Variants in EIF4E3 observed in about 807,000 individuals in gnomAD.
EIF4E3 encodes the protein eukaryotic translation initiation factor 4E family member 3.
EIF4E3 carries 26 observed loss-of-function variants against 31.7 expected under a neutral mutation model. The ratio of observed to expected loss-of-function variants is 0.82; its 90% CI spans 0.60 to 1.14. The LOEUF is 1.14. Ranked by LOEUF, EIF4E3 falls within the 50% of genes most tolerant of loss-of-function variation. The probability of loss-of-function intolerance (pLI) is 0.00; values close to 1 mark genes in which losing one functional copy is unlikely to be tolerated. For synonymous variants in EIF4E3, 128 were observed against 107.7 expected (o/e 1.19, Z -1.17); for missense variants, 304 against 270.9 (o/e 1.12, Z -0.86).
At chr3:71,718,071 A>G (rs2049491568) in intron 1 of EIF4E3, among the ~76,000 whole-genome samples, 1 of 152,182 alleles carries the variant, frequency 6.6e-6, no homozygotes. Context: ...AGCCAAGAGA[A>G]CCCACCTTAA....
In EIF4E3 at chr3:71,724,480, A is replaced by C. The variant is rs377234914; in HGVS notation, c.176+712T>G. Among the ~76,000 whole-genome samples, 5 of 152,304 alleles carry C rather than the reference A, an allele frequency of 3.3e-5. No homozygotes were observed. The South Asian group carries it at 8.3e-4, about 25-fold the overall frequency. ...CGAGGGAGCAAGGTTTCTATTTTAG[A>C]TACGGTAGTCAGGGGGTCTTTCTGA... is the stretch of plus-strand genomic sequence containing the variant. On this transcript the variant is annotated intron_variant, in intron 1 of 6. Coordinates refer to ENST00000425534, the MANE Select transcript of EIF4E3 (RefSeq NM_001134651.2).
At chr3:71,754,227 C>T, upstream of EIF4E3, 1 of 1,338,130 alleles carries the variant, frequency 7.5e-7, no homozygotes, top group South Asian at 1.6e-5. This position sits in a 1 kb window ranked among gnomAD's most constrained non-coding sequence, Gnocchi z 5.8. Flanking sequence ...GCTGCTCGAC[C>T]TGTGCCTGGC....
At chr3:71,665,391 G>C in the EIF4E3 span, among the ~76,000 whole-genome samples, 1 of 152,190 alleles carries the variant, frequency 6.6e-6, no homozygotes, top group East Asian at 1.9e-4. Context: ...TTGCACATGG[G>C]TAGTGGCTTT....
At chr3:71,666,828 A>G in the EIF4E3 span, among the ~76,000 whole-genome samples, 1 of 152,130 alleles carries the variant, frequency 6.6e-6, no homozygotes, top group East Asian at 1.9e-4. Context: ...AGTCCAGGCT[A>G]CCCAGAAGGC....
chr3:71,735,365 T>C lies in EIF4E3; in HGVS notation c.-290-6742A>G, dbSNP rs555674656. Among the ~76,000 whole-genome samples the C allele has an allele frequency of 3.3e-5, 5 of 152,316 alleles. No individual in the cohort carries two copies. The South Asian group carries it at 1.0e-3, about 32-fold the overall frequency. On this transcript the variant is annotated intron_variant, in intron 1 of 7. Coordinates refer to the EIF4E3 transcript ENST00000295612. ...AAATGAATCCTATGATATAAATCTA[T>C]TGATGCATAGTGAAGGGTGGGAGAA...
At chr3:71,724,065 T>C (rs992099077) in intron 1 of EIF4E3, among the ~76,000 whole-genome samples, 1 of 152,232 alleles carries the variant, frequency 6.6e-6, no homozygotes. Context: ...CAGATTTGTG[T>C]GTACCAAGCA....
chr3:71,728,211 AAG>A (rs1380593550), upstream of EIF4E3, among the ~76,000 whole-genome samples: 1 of 152,232 alleles, frequency 6.6e-6, no homozygotes, highest in Non-Finnish European at 1.5e-5. Context: ...AGATTAATAA[AAG>A]AGATTATACA....
downstream of EIF4E3, among the ~76,000 whole-genome samples, chr3:71,670,433 C>T (rs891060919): frequency 3.3e-5 from 5 of 152,184 alleles, no homozygotes; most frequent in Non-Finnish European, 7.3e-5. Context: ...CCCCGTGGCC[C>T]CAGCCACGGC....
chr3:71,724,521 G>C lies in EIF4E3; in HGVS notation c.176+671C>G, dbSNP rs577690631. ...GTCTTTCTGAAAAGATGGCACCTGGGTTGTCCCTTGAGAAAGCCATAATTC... is the reference window on the plus strand; with the variant it reads ...GTCTTTCTGAAAAGATGGCACCTGGCTTGTCCCTTGAGAAAGCCATAATTC... On this transcript the variant is annotated intron_variant, in intron 1 of 6. Transcript: ENST00000425534. Among the ~76,000 whole-genome samples, 39 of 152,318 alleles carry C rather than the reference G, an allele frequency of 2.6e-4. No individual in the cohort carries two copies. In the South Asian group the frequency reaches 7.9e-3, roughly 31 times the overall value.
intron 2 of EIF4E3, among the ~76,000 whole-genome samples, chr3:71,706,762 G>A (rs1046215180): frequency 6.6e-6 from 1 of 152,156 alleles, no homozygotes; most frequent in East Asian, 1.9e-4. Flanking sequence ...GTTTGAGGCT[G>A]CAGTGAGCTA....
At chr3:71,753,928 C>T (rs1213868484), upstream of EIF4E3, 11 of 998,902 alleles carry the variant, frequency 1.1e-5, no homozygotes, top group South Asian at 5.0e-4. Flanking sequence ...GCGGGCTGAG[C>T]CCCGCAGGAC....
At chr3:71,733,150 T>C (rs906237671) in intron 1 of EIF4E3, among the ~76,000 whole-genome samples, 12 of 152,204 alleles carry the variant, frequency 7.9e-5, no homozygotes, top group African/African-American at 2.9e-4. Context: ...ATTTGAGCAC[T>C]GAAAGTTCTG....
At chr3:71,701,791 G>A (rs1323880684) in intron 2 of EIF4E3, among the ~76,000 whole-genome samples, 1 of 152,126 alleles carries the variant, frequency 6.6e-6, no homozygotes, top group East Asian at 1.9e-4. Context: ...AGATCAAATT[G>A]AAGGCAAAAA....
chr3:71,698,267 C>T (rs2049167739), intron 3 of EIF4E3, among the ~76,000 whole-genome samples: 1 of 152,148 alleles, frequency 6.6e-6, no homozygotes, highest in Admixed American at 6.5e-5. Flanking sequence ...ACTTGAGATC[C>T]TCATCCTCAA....
chr3:71,749,224 G>C (rs1179066899), intron 1 of EIF4E3, among the ~76,000 whole-genome samples: 1 of 152,224 alleles, frequency 6.6e-6, no homozygotes, highest in Non-Finnish European at 1.5e-5. Flanking sequence ...ATGAGCCAAA[G>C]TCTGGGCTCT....
Position 71,681,993 on chromosome 3 carries a change from G to T in EIF4E3, c.*2689C>A, listed in dbSNP as rs1019001765. On this transcript the variant is annotated 3_prime_UTR_variant, in exon 7 of 7. Coordinates refer to ENST00000425534, the MANE Select transcript of EIF4E3 (RefSeq NM_001134651.2). ...TAAATTACACCCTCATTTAAGAAAT[G>T]TGGAAAAGTTGGGGGGAAAGAGGAA... is the stretch of plus-strand genomic sequence containing the variant. 3.9e-5 allele frequency: 6 copies of T among 152,156 alleles called. No individual in the cohort carries two copies. Among genetic ancestry groups the T allele is most frequent in the African/African-American group, 1.4e-4 (6 of 41,422 alleles). The allele number at this position is 152,156 out of a possible 1,614,324, so 9.4% of individuals were successfully genotyped here.
chr3:71,732,448 C>T (rs1392575499), intron 1 of EIF4E3, among the ~76,000 whole-genome samples: 1 of 151,928 alleles, frequency 6.6e-6, no homozygotes, highest in African/African-American at 2.4e-5. Flanking sequence ...GGTTTTGTGG[C>T]CAGTCTAAGA....
chr3:71,687,375 C>G (rs1025240345), intron 6 of EIF4E3, among the ~76,000 whole-genome samples: 7 of 152,176 alleles, frequency 4.6e-5, no homozygotes, highest in Non-Finnish European at 1.0e-4. Context: ...ATGGGTATTG[C>G]TCTATGCTGA....
intron 1 of EIF4E3, among the ~76,000 whole-genome samples, chr3:71,716,949 A>G (rs1363950972): frequency 1.3e-5 from 2 of 152,158 alleles, no homozygotes; most frequent in Non-Finnish European, 2.9e-5. Context: ...TAAAGATATA[A>G]TTGCTGCAGC....
Sources: allele counts gnomAD v4.1 joint callset (sites outside exome capture counted in the v4.1 genomes callset), GRCh38; gene constraint gnomAD v4.1.1; non-coding constraint Gnocchi (gnomAD v3.1); transcripts MANE v1.5; gene names NCBI Gene and HGNC (gene_info 2026-07-23, HGNC 2026-07-21).